Variants in MON2 observed in about 807,000 individuals in gnomAD.
MON2 encodes MON2 regulator of endosome-to-Golgi trafficking.
Under a neutral mutation model 208.6 loss-of-function variants are expected in MON2, and 84 were observed. The ratio of observed to expected loss-of-function variants is 0.40; its 90% CI spans 0.34 to 0.48. MON2 has a LOEUF of 0.48. Ranked by LOEUF, MON2 falls within the 20% of genes least tolerant of loss-of-function variation. MON2 has a pLI of 0.59. For missense variants in MON2, 1,611 were observed against 2,015.4 expected (o/e 0.80, Z 3.84); for synonymous variants, 660 against 694.0 (o/e 0.95, Z 0.77).
At chr12:62,564,567 A>G (rs942553971) in intron 26 of MON2, among the ~76,000 whole-genome samples, 4 of 152,108 alleles carry the variant, frequency 2.6e-5, no homozygotes, top group Non-Finnish European at 5.9e-5. Context: ...CATGATATGC[A>G]TTTTATTCTT....
chr12:62,523,213 A>G (rs1051795706), intron 8 of MON2, among the ~76,000 whole-genome samples: 10 of 152,190 alleles, frequency 6.6e-5, no homozygotes, highest in African/African-American at 2.2e-4. Context: ...TCCTCTAAAG[A>G]GGTGTCATTT....
At chr12:62,499,690 C>T (rs764997705) in intron 5 of MON2, among the ~76,000 whole-genome samples, 4 of 151,888 alleles carry the variant, frequency 2.6e-5, no homozygotes, top group Non-Finnish European at 2.9e-5. Flanking sequence ...CTGGGCAACA[C>T]GGTGAAACCC....
At position 62,560,757 on chromosome 12, in the gene MON2, G is replaced by A. The variant is rs777756774; in HGVS notation, c.3676G>A (p.Glu1226Lys). Residue 1226 changes from glutamate (E) to lysine (K), a missense_variant, in exon 26 of 35, where the codon GAG becomes AAG. Transcript: ENST00000393630. ...GEKLGRYSSS[E>K]PPIVTDELED... ...AAAACTAGGAAGATATAGTAGCTCT[G>A]AGCCACCCATTGTTACTGATGAGCT... 28 of 1,614,096 alleles carry A rather than the reference G, an allele frequency of 1.7e-5. No individual in the cohort carries two copies. Among genetic ancestry groups the A allele is most frequent in the Non-Finnish European group, 2.4e-5 (28 of 1,179,996 alleles).
intron 8 of MON2, among the ~76,000 whole-genome samples, chr12:62,522,549 A>C (rs994418207): frequency 6.6e-6 from 1 of 152,214 alleles, no homozygotes; most frequent in Admixed American, 6.5e-5. Flanking sequence ...TTTAGATAAT[A>C]ATCTACTACC....
intron 8 of MON2, among the ~76,000 whole-genome samples, chr12:62,509,361 C>G (rs1038289980): frequency 6.6e-6 from 1 of 152,052 alleles, no homozygotes; most frequent in East Asian, 1.9e-4. Flanking sequence ...GTGATCCACC[C>G]GCCTCAACCT....
chr12:62,580,003 AT>A (rs1254820766), intron 31 of MON2, among the ~76,000 whole-genome samples: 1 of 152,088 alleles, frequency 6.6e-6, no homozygotes, highest in African/African-American at 2.4e-5. Context: ...TTCATATGCT[AT>A]TTTTCTCTAG....
intron 2 of MON2, chr12:62,490,031 T>A: frequency 8.3e-7 from 1 of 1,209,226 alleles, no homozygotes. Context: ...ATTCTTTTTT[T>A]CCAGGATAAA....
intron 1 of MON2, among the ~76,000 whole-genome samples, chr12:62,469,882 T>TTTTA (rs369624327): frequency 0.057 from 6,709 of 117,762 alleles, 230 homozygotes; most frequent in South Asian, 0.14. Flanking sequence ...TTGACTATTA[T>TTTTA]TTTATTTATT....
intron 12 of MON2, among the ~76,000 whole-genome samples, chr12:62,534,559 ATATATATATTT>A (rs1347779408): frequency 3.2e-5 from 4 of 126,614 alleles, no homozygotes; most frequent in African/African-American, 6.2e-5. Flanking sequence ...ATATATATAT[ATATATATATTT>A]TATATATATA....
At chr12:62,497,774 C>G (rs1010107171) in intron 4 of MON2, among the ~76,000 whole-genome samples, 1 of 152,124 alleles carries the variant, frequency 6.6e-6, no homozygotes, top group Non-Finnish European at 1.5e-5. Context: ...CACCACCACA[C>G]CCAACTAATT....
intron 31 of MON2, 63 bp from the exon 32 acceptor site, chr12:62,580,234 T>C: frequency 2.0e-6 from 3 of 1,497,812 alleles, no homozygotes; most frequent in Non-Finnish European, 2.7e-6. Context: ...AATTTTACTC[T>C]AGAAATTATT....
chr12:62,534,399 A>G (rs2072806922), intron 12 of MON2, among the ~76,000 whole-genome samples: 1 of 149,676 alleles, frequency 6.7e-6, no homozygotes, highest in Non-Finnish European at 1.5e-5. Context: ...TGTGTCTGTA[A>G]TCCCAGCTAC....
intron 2 of MON2, among the ~76,000 whole-genome samples, chr12:62,488,141 C>T (rs968591454): frequency 4.6e-5 from 7 of 152,060 alleles, no homozygotes; most frequent in Admixed American, 4.6e-4. Context: ...GATTTGAGTA[C>T]GTGAGTTTTA....
chr12:62,550,261 A>T lies in MON2; in HGVS notation c.2916+431A>T, dbSNP rs2136296119. 1.3e-5 allele frequency among the ~76,000 whole-genome samples: 2 copies of T among 152,220 alleles called. 1 individual carries two copies. The highest frequency in any genetic ancestry group is 6.8e-3 in the Middle Eastern group (2 of 294). ...AAGGCTGTTTCAGGCTGGGCATGGT[A>T]GCTGATGCCTGTAATCCCAGCACTT... On this transcript the variant is annotated intron_variant, in intron 23 of 34. Transcript: ENST00000393630.
At chr12:62,565,050 A>G (rs2074328494) in intron 26 of MON2, 187 bp from the exon 27 acceptor site, 3 of 508,296 alleles carry the variant, frequency 5.9e-6, no homozygotes, top group Non-Finnish European at 1.0e-5. Flanking sequence ...GCTGATTAAC[A>G]GTTTCAGCCT....
intron 6 of MON2, among the ~76,000 whole-genome samples, chr12:62,501,145 A>C (rs181140883): frequency 1.3e-5 from 2 of 152,186 alleles, no homozygotes; most frequent in Admixed American, 6.5e-5. Context: ...TACAAAAAAA[A>C]GTTTCTTTAA....
chr12:62,574,996 T>G (rs1042157262), intron 30 of MON2, among the ~76,000 whole-genome samples: 2 of 152,060 alleles, frequency 1.3e-5, no homozygotes, highest in Non-Finnish European at 2.9e-5. Context: ...TATGGTGGCA[T>G]GTGCCTGTAG....
rs760941015 is a variant in MON2 at position 62,560,989 on chromosome 12, T to C, written c.3908T>C (p.Leu1303Ser). ...GACTTGCAAAAGTTGGGAGTCATATTGCACAGTGCTATTTCAGTCCCAATA... is the reference window on the plus strand; with the variant it reads ...GACTTGCAAAAGTTGGGAGTCATATCGCACAGTGCTATTTCAGTCCCAATA... ...MDDLQKLGVI[L>S]HSAISVPISS... The change falls in exon 26 of 35, where the codon TTG (leucine) becomes TCG (serine). Residue 1303 changes from leucine to serine, a missense_variant. Transcript: ENST00000393630. 6 of 1,613,912 alleles carry C rather than the reference T, an allele frequency of 3.7e-6. No individual in the cohort carries two copies. Among genetic ancestry groups the C allele is most frequent in the Non-Finnish European group, 5.1e-6 (6 of 1,179,908 alleles).
Position 62,566,180 on chromosome 12 carries a change from T to G in MON2, c.4195-142T>G, listed in dbSNP as rs76499581. On this transcript the variant is annotated intron_variant, in intron 28 of 34. Transcript: ENST00000393630. Reference sequence around the variant, plus strand: ...TTATTTTTTTCATGAAGTACATATCTCTTTGAAAACTTTGCATGTAATATA... The same window carrying G: ...TTATTTTTTTCATGAAGTACATATCGCTTTGAAAACTTTGCATGTAATATA... 3.6e-3 allele frequency: 4,774 copies of G among 1,331,426 alleles called. 152 individuals carry two copies. In the African/African-American group the frequency reaches 0.062, roughly 17 times the overall value. 82.5% of individuals were successfully genotyped at this position (1,331,426 alleles called of 1,614,324 possible). A position where few individuals can be genotyped will look rare whatever the true frequency, so the allele number is the denominator to read the frequency against.
Sources: allele counts gnomAD v4.1 joint callset (sites outside exome capture counted in the v4.1 genomes callset), GRCh38; gene constraint gnomAD v4.1.1; transcripts MANE v1.5; gene names NCBI Gene and HGNC (gene_info 2026-07-23, HGNC 2026-07-21).